CES1: variants seen among roughly 807,000 people sequenced by gnomAD.
CES1 encodes liver carboxylesterase 1.
In CES1, 50 loss-of-function variants were observed where a neutral mutation model predicts 53.0. The observed-to-expected ratio is 0.94, with a 90% confidence interval of 0.75 to 1.19. The LOEUF (loss-of-function observed/expected upper bound fraction) is 1.19, where lower values mean the gene tolerates loss of function less well. Ranked by LOEUF, CES1 falls within the 50% of genes most tolerant of loss-of-function variation. The pLI is 0.00. For synonymous variants in CES1, 202 were observed against 210.1 expected (o/e 0.96, Z 0.33); for missense variants, 534 against 538.0 (o/e 0.99, Z 0.07).
intron 8 of CES1, 129 bp downstream of exon 8, chr16:55,816,795 C>A (rs1384611349): frequency 5.1e-6 from 6 of 1,171,782 alleles, no homozygotes; most frequent in Non-Finnish European, 7.7e-6. Flanking sequence ...CTACCCCTCT[C>A]TGGGCCTCAG....
intron 4 of CES1, among the ~76,000 whole-genome samples, chr16:55,822,594 G>T (rs2032243355): frequency 6.6e-6 from 1 of 152,128 alleles, no homozygotes; most frequent in Non-Finnish European, 1.5e-5. Context: ...ACAGCCAGGG[G>T]TGGGGAGGAG....
chr16:55,812,326 A>C (rs1171991619), intron 9 of CES1: 1 of 167,346 alleles, frequency 6.0e-6, no homozygotes, highest in Non-Finnish European at 1.3e-5. Flanking sequence ...TGTATAGATT[A>C]TTTTGTTACC....
intron 2 of CES1, among the ~76,000 whole-genome samples, chr16:55,827,730 G>T (rs1262283128): frequency 6.6e-6 from 1 of 152,150 alleles, no homozygotes. Context: ...ACCAGGCTGT[G>T]CTATTTAATG....
intron 1 of CES1, among the ~76,000 whole-genome samples, chr16:55,830,986 G>C (rs763245357): frequency 6.6e-6 from 1 of 152,194 alleles, no homozygotes; most frequent in African/African-American, 2.4e-5. Context: ...CACAGGCTCG[G>C]TGGAGATGTG....
chr16:55,819,685 TC>T (rs753088342), intron 6 of CES1, 46 bp from the exon 7 acceptor site: 1 of 1,479,860 alleles, frequency 6.8e-7, no homozygotes, highest in Non-Finnish European at 9.5e-7. Flanking sequence ...CGACATCCCT[TC>T]CCTCCATCAA....
chr16:55,814,369 A>G (rs778160257), intron 8 of CES1, among the ~76,000 whole-genome samples: 2 of 152,228 alleles, frequency 1.3e-5, no homozygotes, highest in African/African-American at 2.4e-5. Flanking sequence ...TTTAGTCACA[A>G]TGGTGTAGTT....
At chr16:55,832,597 A>G (rs557843781) in intron 1 of CES1, among the ~76,000 whole-genome samples, 51 of 152,340 alleles carry the variant, frequency 3.3e-4, no homozygotes, top group South Asian at 2.7e-3. Flanking sequence ...ACACACAGCG[A>G]GGAAGCGCCC....
chr16:55,813,021 A>G lies in CES1; in HGVS notation c.968T>C (p.Val323Ala). The stretch of plus-strand genomic sequence containing the variant: ...TTTCAGCAGCAGCATCCCATCAATC[A>G]CAGTGCCCAGAAGGGGTTGACTCTG... ...PRESQPLLGT[V>A]IDGMLLLKTP... Residue 323 changes from valine (V) to alanine (A), a missense_variant, in exon 9 of 14, where the codon GTG becomes GCG. Val to Ala is a moderately conservative substitution (Grantham distance 64). Transcript: ENST00000360526. 2 of 1,613,932 alleles carry G rather than the reference A, an allele frequency of 1.2e-6. No individual in the cohort carries two copies. Among genetic ancestry groups the G allele is most frequent in the Non-Finnish European group, 1.7e-6 (2 of 1,179,912 alleles).
rs376932562 is a variant in CES1, at chr16:55,809,093, C to CAAAAAAAAAAAA, written c.1318+1412_1318+1423dup. On this transcript the variant is annotated intron_variant, in intron 11 of 13. Coordinates refer to ENST00000360526, the MANE Select transcript of CES1 (RefSeq NM_001025195.2). ...GTAGATAAAATCTGTGTAGTCCTGG[C>CAAAAAAAAAAAA]AAAAAAAAAAAAAAAAAAGCCCTGA... Among the ~76,000 whole-genome samples the CAAAAAAAAAAAA allele has an allele frequency of 2.5e-3, 180 of 71,964 alleles. 21 individuals are homozygous for CAAAAAAAAAAAA. The highest frequency in any genetic ancestry group is 2.8e-3 in the Non-Finnish European group (104 of 37,736). 47.2% of individuals were successfully genotyped at this position (71,964 alleles called of 152,430 possible).
chr16:55,826,958 A>AT lies in CES1; in HGVS notation c.261-664dup, dbSNP rs1171061932. Among the ~76,000 whole-genome samples the AT allele has an allele frequency of 2.6e-5, 4 of 152,200 alleles. No individual in the cohort carries two copies. The East Asian group carries it at 7.7e-4, about 29-fold the overall frequency. On this transcript the variant is annotated intron_variant, in intron 2 of 13. Transcript: ENST00000360526. ...CTCATTTAAGCCTCAGACTAGTCCC[A>AT]TTAGGTAGGTTCTATTATCTCCATT...
chr16:55,812,005 CA>C (rs1247036372), intron 9 of CES1, among the ~76,000 whole-genome samples: 1 of 152,184 alleles, frequency 6.6e-6, no homozygotes, highest in Non-Finnish European at 1.5e-5. Flanking sequence ...TCACATGAAC[CA>C]AGCCTCTCCC....
chr16:55,809,084 T>C (rs1352951546), intron 11 of CES1, among the ~76,000 whole-genome samples: 1 of 31,838 alleles, frequency 3.1e-5, no homozygotes, highest in African/African-American at 8.1e-5. Context: ...AAAATCTGTG[T>C]AGTCCTGGCA....
At chr16:55,817,985 G>C (rs1387965773) in intron 7 of CES1, among the ~76,000 whole-genome samples, 1 of 152,174 alleles carries the variant, frequency 6.6e-6, no homozygotes, top group African/African-American at 2.4e-5. Flanking sequence ...GAAAACAGTT[G>C]TGTTTTCATT....
In CES1 at chr16:55,826,246, T is replaced by C. The variant is rs2032412051; in HGVS notation, c.310A>G (p.Asn104Asp). 14 of 1,613,994 alleles carry C rather than the reference T, an allele frequency of 8.7e-6. No individual in the cohort carries two copies. The East Asian group carries it at 3.1e-4, about 36-fold the overall frequency. The change falls in exon 3 of 14, where the codon AAC becomes GAC. Residue 104 changes from asparagine to aspartate, a missense_variant. Physicochemically the swap from Asn to Asp is conservative, Grantham distance 23. Around this residue, in one of 5 missense-constraint regions of CES1, gnomAD observed 164 missense variants for 162.4 expected, o/e 1.01. Transcript: ENST00000360526. ...TTGAGAGGAATGTTCTCCTTTCGGTTTGTAAATAGCTCTGAGAGTAACTGC... is the reference window on the plus strand; with the variant it reads ...TTGAGAGGAATGTTCTCCTTTCGGTCTGTAAATAGCTCTGAGAGTAACTGC... ...AGQLLSELFT[N>D]RKENIPLKLS...
At chr16:55,813,927 C>T (rs575743624) in intron 8 of CES1, among the ~76,000 whole-genome samples, 1 of 152,324 alleles carries the variant, frequency 6.6e-6, no homozygotes, top group East Asian at 1.9e-4. Flanking sequence ...TGGAACATGC[C>T]CATCATGCAA....
intron 8 of CES1, among the ~76,000 whole-genome samples, chr16:55,816,403 ATT>A: frequency 6.6e-6 from 1 of 152,310 alleles, no homozygotes; most frequent in East Asian, 1.9e-4. Flanking sequence ...AGAGGACAGG[ATT>A]GTAAGATTCG....
At chr16:55,830,819 A>AAGGAAGGAGGGCAGGC (rs1454708070) in intron 1 of CES1, among the ~76,000 whole-genome samples, 3 of 127,288 alleles carry the variant, frequency 2.4e-5, no homozygotes, top group African/African-American at 1.0e-4. Flanking sequence ...GGAAGGAAGG[A>AAGGAAGGAGGGCAGGC]AGGCAGGCAG....
intron 1 of CES1, among the ~76,000 whole-genome samples, chr16:55,829,325 A>C (rs1247768508): frequency 6.6e-6 from 1 of 152,256 alleles, no homozygotes; most frequent in Non-Finnish European, 1.5e-5. Flanking sequence ...GAGAGGATGA[A>C]AAAGGGGTGT....
At chr16:55,825,496 G>A (rs1831174654) in intron 3 of CES1, among the ~76,000 whole-genome samples, 1 of 152,236 alleles carries the variant, frequency 6.6e-6, no homozygotes, top group Admixed American at 6.5e-5. Flanking sequence ...AAGACAATTA[G>A]GGAGGGAAAT....
Sources: gnomAD v4.1 joint callset for allele counts (sites outside exome capture counted in the v4.1 genomes callset) on GRCh38, gnomAD v4.1.1 for gene constraint, gnomAD v4.1.1 regional missense constraint, MANE v1.5 for transcripts, NCBI Gene and HGNC (gene_info 2026-07-23, HGNC 2026-07-21) for gene names.